The following PPT1 variants were observed in gnomAD, a reference collection of about 807,000 sequenced individuals.
The protein encoded by PPT1 is ceroid-palmitoyl-palmitoyl-protein thioesterase 1.
A neutral mutation model predicts 44.0 loss-of-function variants in PPT1; 24 were observed. That is an observed-to-expected ratio of 0.54 (90% CI 0.39 to 0.77). PPT1 has a LOEUF of 0.77. Ranked by LOEUF, PPT1 falls within the 30% of genes least tolerant of loss-of-function variation. The probability of loss-of-function intolerance (pLI) is 0.00; values close to 1 mark genes in which losing one functional copy is unlikely to be tolerated. For synonymous variants in PPT1, 148 were observed against 140.2 expected (o/e 1.06, Z -0.39); for missense variants, 341 against 378.8 (o/e 0.90, Z 0.83).
At chr1:40,085,046 C>CA (rs1402896981) in intron 5 of PPT1, among the ~76,000 whole-genome samples, 1 of 152,142 alleles carries the variant, frequency 6.6e-6, no homozygotes, top group Non-Finnish European at 1.5e-5. Flanking sequence ...TCTACTCCTC[C>CA]ACCTCTTGTG....
At chr1:40,076,576 A>G in intron 8 of PPT1, 1 of 974,894 alleles carries the variant, frequency 1.0e-6, no homozygotes, top group Non-Finnish European at 1.2e-6. Context: ...AAAAGAAGGG[A>G]ATCAGACATG....
In PPT1 at chr1:40,092,318, C is replaced by T. The variant is rs935293177; in HGVS notation, c.234+80G>A. ...TCACTGTATGATCTGCTGCTGAAAACACAAGGCAAAGCATTTTAACAGTAT... is the reference window on the plus strand; with the variant it reads ...TCACTGTATGATCTGCTGCTGAAAATACAAGGCAAAGCATTTTAACAGTAT... On this transcript the variant is annotated intron_variant, in intron 2 of 8. Coordinates refer to ENST00000642050, the MANE Select transcript of PPT1 (RefSeq NM_000310.4). 7.2e-5 allele frequency: 111 copies of T among 1,533,370 alleles called. No individual in the cohort carries two copies. In the African/African-American group the frequency reaches 1.3e-3, roughly 18 times the overall value. The allele number at this position is 1,533,370 out of a possible 1,614,324, so 95.0% of individuals were successfully genotyped here.
chr1:40,082,156 G>A (rs909843752), intron 5 of PPT1: 1 of 152,154 alleles, frequency 6.6e-6, no homozygotes, highest in African/African-American at 2.4e-5. Context: ...GGTTGGCAGG[G>A]AGAGAAATCA....
intron 5 of PPT1, among the ~76,000 whole-genome samples, chr1:40,084,882 C>T (rs1366189414): frequency 6.6e-6 from 1 of 152,236 alleles, no homozygotes; most frequent in Non-Finnish European, 1.5e-5. Flanking sequence ...CACTAGAGGG[C>T]TCCTTGGTCT....
chr1:40,074,304 G>T, intron 8 of PPT1, 121 bp from the exon 9 acceptor site: 1 of 1,283,550 alleles, frequency 7.8e-7, no homozygotes, highest in Admixed American at 2.0e-5. Context: ...TAAAATTGAG[G>T]TGTATTTTCA....
At chr1:40,074,393 T>C (rs1161944208) in intron 8 of PPT1, among the ~76,000 whole-genome samples, 1 of 151,530 alleles carries the variant, frequency 6.6e-6, no homozygotes, top group African/African-American at 2.4e-5. Context: ...TTCCTTTCTT[T>C]TCTTTCTTCT....
chr1:40,092,195 G>T (rs370654408), intron 2 of PPT1, 23 bp from the exon 3 acceptor site: 166 of 1,613,958 alleles, frequency 1.0e-4, no homozygotes, highest in Non-Finnish European at 1.4e-4. Flanking sequence ...CCAGAGAGAA[G>T]TGAGAGGATG....
intron 8 of PPT1, among the ~76,000 whole-genome samples, chr1:40,074,737 G>A (rs2124467282): frequency 1.3e-5 from 2 of 152,048 alleles, no homozygotes; most frequent in African/African-American, 4.8e-5. Context: ...CCAAAGTGCT[G>A]GGATTACAGG....
At chr1:40,078,031 G>A (rs917869852) in intron 7 of PPT1, among the ~76,000 whole-genome samples, 1 of 152,180 alleles carries the variant, frequency 6.6e-6, no homozygotes, top group Non-Finnish European at 1.5e-5. Flanking sequence ...CCCAGAGAAT[G>A]TAATTACATA....
At chr1:40,086,254 C>T (rs573285890) in intron 5 of PPT1, among the ~76,000 whole-genome samples, 27 of 152,112 alleles carry the variant, frequency 1.8e-4, no homozygotes, top group South Asian at 1.0e-3. Context: ...CAGGGGATGG[C>T]AGGGAGCAAA....
At chr1:40,074,220 A>C in intron 8 of PPT1, 37 bp from the exon 9 acceptor site, 1 of 1,613,132 alleles carries the variant, frequency 6.2e-7, no homozygotes, top group Non-Finnish European at 8.5e-7. Flanking sequence ...TAAAAAGCTT[A>C]ATGAAGTTTT....
intron 3 of PPT1, 90 bp from the exon 4 acceptor site, chr1:40,091,489 G>T: frequency 8.6e-7 from 1 of 1,166,716 alleles, no homozygotes; most frequent in Non-Finnish European, 1.3e-6. Context: ...GTCATCCTCT[G>T]TGACTCCCCA....
intron 5 of PPT1, among the ~76,000 whole-genome samples, chr1:40,088,465 C>T (rs1167735161): frequency 2.0e-5 from 3 of 152,100 alleles, no homozygotes; most frequent in Non-Finnish European, 4.4e-5. Flanking sequence ...AAGGATAAAG[C>T]CCAGGAATCC....
chr1:40,076,297 T>C (rs1648625439), intron 8 of PPT1, among the ~76,000 whole-genome samples: 1 of 151,966 alleles, frequency 6.6e-6, no homozygotes, highest in Admixed American at 6.6e-5. Context: ...AAACTCCATC[T>C]CTCCTAAAAA....
intron 1 of PPT1, among the ~76,000 whole-genome samples, chr1:40,096,078 T>C (rs974113611): frequency 1.3e-5 from 2 of 152,228 alleles, no homozygotes; most frequent in Non-Finnish European, 2.9e-5. Context: ...CTTTCCCATT[T>C]ACTGTTCCTT....
intron 6 of PPT1, among the ~76,000 whole-genome samples, chr1:40,079,075 A>G (rs1189188061): frequency 1.3e-5 from 2 of 152,076 alleles, no homozygotes; most frequent in African/African-American, 4.8e-5. Flanking sequence ...GCTCCCACTT[A>G]TAAGTGAGAA....
rs137852696 is a variant in PPT1 at position 40,092,409 on chromosome 1, T to G, written c.223A>C (p.Thr75Pro). ...IYVLSLEIGK[T>P]LMEDVENSFF... Reference sequence around the variant, plus strand: ...GTGAAGCGCCTTACCTCCATCAGGGTCTTCCCAATCTCTAAAGATAAGACG... The same window carrying G: ...GTGAAGCGCCTTACCTCCATCAGGGGCTTCCCAATCTCTAAAGATAAGACG... The change falls in exon 2 of 9, where the codon ACC (threonine) becomes CCC (proline). Residue 75 changes from threonine to proline, a missense_variant. By Grantham distance (38) the Thr-to-Pro change is conservative (BLOSUM62 -1). Transcript: ENST00000642050. The G allele has an allele frequency of 6.3e-5, 101 of 1,608,864 alleles. No homozygotes were observed. Among genetic ancestry groups the G allele is most frequent in the Non-Finnish European group, 7.7e-5 (91 of 1,175,354 alleles).
intron 7 of PPT1, among the ~76,000 whole-genome samples, chr1:40,078,039 A>G (rs945259282): frequency 6.6e-6 from 1 of 152,204 alleles, no homozygotes; most frequent in African/African-American, 2.4e-5. Context: ...ATGTAATTAC[A>G]TAATTTTGCA....
At chr1:40,086,603 G>T (rs3122434) in intron 5 of PPT1, among the ~76,000 whole-genome samples, 125,534 of 152,056 alleles carry the variant, frequency 0.83, 51,826 homozygotes, top group South Asian at 0.88. Context: ...AGAGCAGAGG[G>T]GGAGACCTGA....
Sources: allele counts gnomAD v4.1 joint callset (sites outside exome capture counted in the v4.1 genomes callset), GRCh38; gene constraint gnomAD v4.1.1; transcripts MANE v1.5; gene names NCBI Gene and HGNC (gene_info 2026-07-23, HGNC 2026-07-21).